CHD3: variants seen among roughly 807,000 people sequenced by gnomAD.
CHD3 encodes the protein ATP-dependent chromatin remodeler CHD3.
Under a neutral mutation model 248.9 loss-of-function variants are expected in CHD3, and 52 were observed. The observed-to-expected ratio is 0.21, with a 90% CI of 0.17 to 0.26. CHD3 has a LOEUF of 0.26. CHD3 is among the 10% of genes least tolerant of loss of function. The pLI, the probability that CHD3 is intolerant of heterozygous loss-of-function variation, is 1.00. For missense variants in CHD3, 1,482 were observed against 2,605.8 expected, an observed-to-expected ratio of 0.57 and a Z score of 9.39; for synonymous variants, 985 against 985.2, an observed-to-expected ratio of 1.00 and a Z score of 0.00.
chr17:7,909,545 T>C lies in CHD3; in HGVS notation c.5590+207T>C, dbSNP rs1251378376. On this transcript the variant is annotated intron_variant, in intron 37 of 39. Coordinates refer to ENST00000330494, the MANE Select transcript of CHD3 (RefSeq NM_001005273.3). This position sits in a 1 kb window ranked among gnomAD's most constrained non-coding sequence, Gnocchi z 8.1. ...CAAGCCAACCCTCATCCATGTCTGA[T>C]AGCATTCACATCCGTGCCCAATAGA... The C allele has an allele frequency of 1.5e-6, 1 of 688,450 alleles. No individual in the cohort carries two copies. The highest frequency in any genetic ancestry group is 2.3e-6 in the Non-Finnish European group (1 of 432,454). The allele number at this position is 688,450 out of a possible 1,614,324, so 42.6% of individuals were successfully genotyped here.
At chr17:7,891,598 T>C (rs763358314) in intron 4 of CHD3, among the ~76,000 whole-genome samples, 7 of 152,108 alleles carry the variant, frequency 4.6e-5, no homozygotes, top group Non-Finnish European at 1.0e-4. Flanking sequence ...CAGTGGCTCA[T>C]GCCTGTAATC....
rs937160955 is a variant in CHD3, at chr17:7,911,634, C to T, written c.*49C>T. ...CCCAGGCCCCGTCCCCGAGGCCGAC[C>T]CCCAGCTCAAGCGCTGGGGCCTGCT... is the stretch of plus-strand genomic sequence containing the variant. On this transcript the variant is annotated 3_prime_UTR_variant, in exon 40 of 40. Coordinates refer to ENST00000330494, the MANE Select transcript of CHD3 (RefSeq NM_001005273.3). The surrounding 1 kb of genome is among the most constrained non-coding windows in gnomAD (Gnocchi z 5.4). The T allele has an allele frequency of 8.7e-6, 14 of 1,612,292 alleles. No homozygotes were observed. The South Asian group carries it at 1.4e-4, about 16-fold the overall frequency.
upstream of CHD3, among the ~76,000 whole-genome samples, chr17:7,888,612 G>C (rs1410863366): frequency 6.6e-6 from 1 of 152,232 alleles, no homozygotes; most frequent in Non-Finnish European, 1.5e-5. Context: ...AATGGGGTGG[G>C]GGGCCTGGGG....
At position 7,910,588 on chromosome 17, in the gene CHD3, A is replaced by G. The variant is rs746087583; in HGVS notation, c.5751A>G (p.Thr1917=). 3.7e-6 allele frequency: 6 copies of G among 1,607,622 alleles called. No individual in the cohort carries two copies. The Admixed American group carries it at 6.7e-5, about 18-fold the overall frequency. Residue 1917 remains threonine, a synonymous_variant, in exon 38 of 40, where the codon ACA becomes ACG. Transcript: ENST00000330494. The surrounding 1 kb of genome is among the most constrained non-coding windows in gnomAD (Gnocchi z 4.7). ...LASKGTEPHP[T]PAYPPGPYAT... Reference sequence around the variant, plus strand: ...GCAAGGGCACGGAGCCTCACCCCACACCGGTAACCCTCTTTCCCCCTAGCT... The same window carrying G: ...GCAAGGGCACGGAGCCTCACCCCACGCCGGTAACCCTCTTTCCCCCTAGCT...
In CHD3 at chr17:7,897,939, C is replaced by G; in HGVS notation, c.1920-32C>G. 1 of 1,600,682 alleles carries G rather than the reference C, an allele frequency of 6.2e-7. No individual in the cohort carries two copies. Among genetic ancestry groups the G allele is most frequent in the Non-Finnish European group, 8.5e-7 (1 of 1,174,390 alleles). Reference sequence around the variant, plus strand: ...TTTGTGATCTGTGCAATATTTTCCTCCTGCTCCTCCCCATGGCCTCCTGCC... The same window carrying G: ...TTTGTGATCTGTGCAATATTTTCCTGCTGCTCCTCCCCATGGCCTCCTGCC... On this transcript the variant is annotated intron_variant, in intron 11 of 39. Transcript: ENST00000330494. This position sits in a 1 kb window ranked among gnomAD's most constrained non-coding sequence, Gnocchi z 4.8.
rs1970570844 is a variant in CHD3, at chr17:7,903,702, A to G, written c.3728-123A>G. 2.5e-6 allele frequency: 3 copies of G among 1,178,106 alleles called. No individual in the cohort carries two copies. The highest frequency in any genetic ancestry group is 4.7e-4 in the Middle Eastern group (2 of 4,266). The allele number at this position is 1,178,106 out of a possible 1,614,324, so 73.0% of individuals were successfully genotyped here. A position where few individuals can be genotyped will look rare whatever the true frequency, so the allele number is the denominator to read the frequency against. On this transcript the variant is annotated intron_variant, in intron 23 of 39. Transcript: ENST00000330494. This position sits in a 1 kb window ranked among gnomAD's most constrained non-coding sequence, Gnocchi z 6.8. ...ACAAACAAAACAAAAACCTTTCAAC[A>G]TTGGCTCCCGGGGAAAAAGCCTTCT...
rs1024267532 is a variant in CHD3, at chr17:7,903,749, C to T, written c.3728-76C>T. On this transcript the variant is annotated intron_variant, in intron 23 of 39. Transcript: ENST00000330494. The surrounding 1 kb of genome is among the most constrained non-coding windows in gnomAD (Gnocchi z 6.8). ...TTCTCTAGGGCTCCTGTGAAAAGGA[C>T]GCAGAGTAGAAGCTTTCCCATCAGC... 41 of 1,495,078 alleles carry T rather than the reference C, an allele frequency of 2.7e-5. No homozygotes were observed. In the Admixed American group the frequency reaches 3.7e-4, roughly 13 times the overall value. 92.6% of individuals were successfully genotyped at this position (1,495,078 alleles called of 1,614,324 possible).
rs574055948 is a variant in CHD3 at position 7,909,217 on chromosome 17, G to A, written c.5469G>A (p.Ala1823=). 8 of 1,549,424 alleles carry A rather than the reference G, an allele frequency of 5.2e-6. No homozygotes were observed. The highest frequency in any genetic ancestry group is 2.3e-4 in the Middle Eastern group (1 of 4,364). Residue 1823 remains alanine (A), a synonymous_variant, in exon 37 of 40, where the codon GCG becomes GCA. Transcript: ENST00000330494. The surrounding 1 kb of genome is among the most constrained non-coding windows in gnomAD (Gnocchi z 8.1). ...ACCTGAACCTGTCGCAGGAGCCGGC[G>A]CACCCCGCCATGGCCCTCCACGCCC... ...AAYLNLSQEP[A]HPAMALHARF... is the part of the protein sequence containing the mutation.
At chr17:7,885,598 TG>T (rs1967778614), upstream of CHD3, among the ~76,000 whole-genome samples, 1 of 151,412 alleles carries the variant, frequency 6.6e-6, no homozygotes, top group South Asian at 2.1e-4. Flanking sequence ...CCTCGGGCTC[TG>T]GCCCCGGTGG....
In CHD3 at chr17:7,909,105, C is replaced by T. The variant is rs1971332774; in HGVS notation, c.5395-38C>T. ...CCCCCAGCCCCTCACCCACTGCTGG[C>T]AGAGCCCTACCTTCACCTCCCAACT... is the stretch of plus-strand genomic sequence containing the variant. On this transcript the variant is annotated intron_variant, in intron 36 of 39. Transcript: ENST00000330494. The surrounding 1 kb of genome is among the most constrained non-coding windows in gnomAD (Gnocchi z 8.1). 17 of 1,549,734 alleles carry T rather than the reference C, an allele frequency of 1.1e-5. No individual in the cohort carries two copies. Among genetic ancestry groups the T allele is most frequent in the Non-Finnish European group, 1.5e-5 (17 of 1,147,134 alleles).
chr17:7,900,144 C>A lies in CHD3; in HGVS notation c.2682+111C>A. ...ATTTTCTGTAGTCTGGGAGGACGTC[C>A]AGGTTGGAAGAGGGAGAGGGCCAGA... is the stretch of plus-strand genomic sequence containing the variant. On this transcript the variant is annotated intron_variant, in intron 16 of 39. Coordinates refer to ENST00000330494, the MANE Select transcript of CHD3 (RefSeq NM_001005273.3). This position sits in a 1 kb window ranked among gnomAD's most constrained non-coding sequence, Gnocchi z 6.5. The A allele has an allele frequency of 6.6e-7, 1 of 1,525,562 alleles. No individual in the cohort carries two copies. Among genetic ancestry groups the A allele is most frequent in the South Asian group, 1.3e-5 (1 of 79,342 alleles). 94.5% of individuals were successfully genotyped at this position (1,525,562 alleles called of 1,614,324 possible).
chr17:7,884,922 C>T, upstream of CHD3: 5 of 1,414,032 alleles, frequency 3.5e-6, no homozygotes, highest in South Asian at 3.0e-5. Context: ...GTGGAGGCGG[C>T]CGACGAGGAC....
chr17:7,902,856 T>G (rs961229087), intron 21 of CHD3, 81 bp from the exon 22 acceptor site: 4 of 1,588,214 alleles, frequency 2.5e-6, no homozygotes, highest in Non-Finnish European at 3.4e-6. Flanking sequence ...GGCATGGTTG[T>G]TTGTCATCAG....
Position 7,905,257 on chromosome 17 carries a change from C to T in CHD3, c.4138+92C>T. ...ACTGTTTTTATACAAGTAAAAAAGT[C>T]TTCGTGTGTGTGTGGAAAAACTCGA... On this transcript the variant is annotated intron_variant, in intron 26 of 39. Transcript: ENST00000330494. The surrounding 1 kb of genome is among the most constrained non-coding windows in gnomAD (Gnocchi z 5.8). The T allele has an allele frequency of 8.3e-7, 1 of 1,208,080 alleles. No homozygotes were observed. The highest frequency in any genetic ancestry group is 1.2e-6 in the Non-Finnish European group (1 of 816,202). The allele number at this position is 1,208,080 out of a possible 1,614,324, so 74.8% of individuals were successfully genotyped here.
rs756430092 is a variant in CHD3 at position 7,891,078 on chromosome 17, G to C, written c.509+14G>C. On this transcript the variant is annotated intron_variant, in intron 4 of 39. Transcript: ENST00000330494. ...CCAGTTCATGAGGTGCGGTAAGACT[G>C]GGGAATCCTCGCTAATTGACACTTT... 1.2e-6 allele frequency: 2 copies of C among 1,612,226 alleles called. No individual in the cohort carries two copies. Among genetic ancestry groups the C allele is most frequent in the Middle Eastern group, 1.7e-4 (1 of 5,996 alleles).
At position 7,906,500 on chromosome 17, in the gene CHD3, C is replaced by T. The variant is rs888273343; in HGVS notation, c.4359-53C>T. 7.5e-6 allele frequency: 12 copies of T among 1,602,988 alleles called. No individual in the cohort carries two copies. Among genetic ancestry groups the T allele is most frequent in the Admixed American group, 5.0e-5 (3 of 59,644 alleles). ...TCATCCTCGCGCCTCCCTCACTGCC[C>T]TATACCCCTTCTGTGGCTCCCCTAA... On this transcript the variant is annotated intron_variant, in intron 28 of 39. Transcript: ENST00000330494. The surrounding 1 kb of genome is among the most constrained non-coding windows in gnomAD (Gnocchi z 5.0).
Position 7,910,682 on chromosome 17 carries a change from G to A in CHD3, c.5754+91G>A. 6.6e-7 allele frequency: 1 copy of A among 1,524,014 alleles called. No individual in the cohort carries two copies. Among genetic ancestry groups the A allele is most frequent in the Non-Finnish European group, 8.8e-7 (1 of 1,134,194 alleles). 94.4% of individuals were successfully genotyped at this position (1,524,014 alleles called of 1,614,324 possible). ...TTCCATCAGAATCCTATACAATATGGAAAAACAACTTGCTAGAACACAGTC... is the reference window on the plus strand; with the variant it reads ...TTCCATCAGAATCCTATACAATATGAAAAAACAACTTGCTAGAACACAGTC... On this transcript the variant is annotated intron_variant, in intron 38 of 39. Coordinates refer to ENST00000330494, the MANE Select transcript of CHD3 (RefSeq NM_001005273.3). This position sits in a 1 kb window ranked among gnomAD's most constrained non-coding sequence, Gnocchi z 4.7.
rs1050364728 is a variant in CHD3, at chr17:7,889,813, C to T, written c.213+37C>T. 6 of 1,551,340 alleles carry T rather than the reference C, an allele frequency of 3.9e-6. No homozygotes were observed. The South Asian group carries it at 5.7e-5, about 15-fold the overall frequency. On this transcript the variant is annotated intron_variant, in intron 2 of 39. Transcript: ENST00000330494. This position sits in a 1 kb window ranked among gnomAD's most constrained non-coding sequence, Gnocchi z 4.5. The stretch of plus-strand genomic sequence containing the variant: ...GAATTCCTAACTCTGTGGCAAGGCT[C>T]AAGAGACCCATTCTCAGAGACCTAC...
At position 7,908,902 on chromosome 17, in the gene CHD3, C is replaced by T; in HGVS notation, c.5394+73C>T. ...GAAGTGAGACCAGATCTAGTTGGAA[C>T]CTAGGGAAGGTTAACACCTTCAGGG... On this transcript the variant is annotated intron_variant, in intron 36 of 39. Coordinates refer to ENST00000330494, the MANE Select transcript of CHD3 (RefSeq NM_001005273.3). The surrounding 1 kb of genome is among the most constrained non-coding windows in gnomAD (Gnocchi z 5.8). The T allele has an allele frequency of 6.3e-7, 1 of 1,595,266 alleles. No homozygotes were observed. The highest frequency in any genetic ancestry group is 1.1e-5 in the South Asian group (1 of 89,410).
Sources: gnomAD v4.1 joint callset for allele counts (sites outside exome capture counted in the v4.1 genomes callset) on GRCh38, gnomAD v4.1.1 for gene constraint, Gnocchi (gnomAD v3.1) non-coding constraint, MANE v1.5 for transcripts, NCBI Gene and HGNC (gene_info 2026-07-23, HGNC 2026-07-21) for gene names.